The following ARHGAP26 variants were observed in gnomAD, a reference collection of about 807,000 sequenced individuals.
The protein encoded by ARHGAP26 is rho GTPase-activating protein 26.
A neutral mutation model predicts 104.8 loss-of-function variants in ARHGAP26; 38 were observed. That is an observed-to-expected ratio of 0.36 (90% CI 0.28 to 0.48). The LOEUF is 0.48. ARHGAP26 is among the 20% of genes least tolerant of loss of function. ARHGAP26 has a pLI of 0.99. For missense variants in ARHGAP26, 704 were observed against 947.9 expected (o/e 0.74, Z 3.38); for synonymous variants, 341 against 340.0 (o/e 1.00, Z -0.03).
chr5:143,077,913 C>A (rs374442123), intron 17 of ARHGAP26, among the ~76,000 whole-genome samples: 94 of 152,274 alleles, frequency 6.2e-4, no homozygotes, highest in African/African-American at 2.1e-3. Flanking sequence ...TCCCCTCCCC[C>A]AACCCTGGTT....
intron 1 of ARHGAP26, among the ~76,000 whole-genome samples, chr5:142,821,781 G>A (rs1464163689): frequency 1.3e-5 from 2 of 152,182 alleles, no homozygotes; most frequent in African/African-American, 4.8e-5. Context: ...ATTAAGAAAA[G>A]CCATCTTTCC....
At chr5:143,191,061 G>A (rs1414140232) in intron 20 of ARHGAP26, among the ~76,000 whole-genome samples, 1 of 152,214 alleles carries the variant, frequency 6.6e-6, no homozygotes, top group Non-Finnish European at 1.5e-5. Context: ...CAAATGGCAG[G>A]AAGGACCTTT....
At chr5:142,783,639 C>T (rs1757962385) in intron 1 of ARHGAP26, among the ~76,000 whole-genome samples, 1 of 152,184 alleles carries the variant, frequency 6.6e-6, no homozygotes, top group Admixed American at 6.5e-5. Flanking sequence ...CCCCTTCTAC[C>T]TGGAGGTGCC....
At chr5:143,172,354 A>G (rs565507800) in intron 20 of ARHGAP26, among the ~76,000 whole-genome samples, 2 of 152,306 alleles carry the variant, frequency 1.3e-5, no homozygotes, top group Admixed American at 6.5e-5. Context: ...AATAAGATTA[A>G]CAAAGGCTGA....
At position 142,907,797 on chromosome 5, in the gene ARHGAP26, G is replaced by A; in HGVS notation, c.926G>A (p.Gly309Glu). 1 of 1,605,968 alleles carries A rather than the reference G, an allele frequency of 6.2e-7. No individual in the cohort carries two copies. Among genetic ancestry groups the A allele is most frequent in the Non-Finnish European group, 8.5e-7 (1 of 1,174,324 alleles). The change falls in exon 9 of 23, where the codon GGA (glycine) becomes GAA (glutamate). Residue 309 changes from glycine (G) to glutamate (E), a missense_variant. Coordinates refer to ENST00000645722, the MANE Select transcript of ARHGAP26 (RefSeq NM_001135608.3). Reference sequence around the variant, plus strand: ...GTACCATTTGACCAAAAGTCAGGAGGAAAAGGGGTGAGTTCATTTTTAAAA... The same window carrying A: ...GTACCATTTGACCAAAAGTCAGGAGAAAAAGGGGTGAGTTCATTTTTAAAA... ...TMVPFDQKSG[G>E]KGGEDESVIL...
At chr5:142,833,215 G>A (rs1414511024) in intron 1 of ARHGAP26, among the ~76,000 whole-genome samples, 2 of 149,472 alleles carry the variant, frequency 1.3e-5, no homozygotes, top group Non-Finnish European at 1.5e-5. Flanking sequence ...CACCACACCC[G>A]GCTAATTTTT....
At chr5:143,034,150 G>C (rs1344209381) in intron 12 of ARHGAP26, among the ~76,000 whole-genome samples, 1 of 152,194 alleles carries the variant, frequency 6.6e-6, no homozygotes, top group African/African-American at 2.4e-5. Context: ...TTGCGGGTAG[G>C]AATGAAAACT....
At chr5:143,005,202 A>G (rs1777769111) in intron 11 of ARHGAP26, among the ~76,000 whole-genome samples, 1 of 152,250 alleles carries the variant, frequency 6.6e-6, no homozygotes, top group African/African-American at 2.4e-5. Context: ...ATATGTTAAG[A>G]TAAAAGGGCT....
At chr5:143,216,897 A>G (rs975300006) in intron 22 of ARHGAP26, 1 of 152,484 alleles carries the variant, frequency 6.6e-6, no homozygotes, top group African/African-American at 2.4e-5. Flanking sequence ...TCCAGAGGAA[A>G]ATGCTTACAC....
At chr5:143,046,423 G>A (rs1176175853) in intron 14 of ARHGAP26, among the ~76,000 whole-genome samples, 1 of 152,242 alleles carries the variant, frequency 6.6e-6, no homozygotes, top group Non-Finnish European at 1.5e-5. Flanking sequence ...ATGAGAGCCA[G>A]TGCTTTGAGA....
intron 20 of ARHGAP26, chr5:143,166,188 T>C: frequency 3.3e-6 from 3 of 922,642 alleles, no homozygotes; most frequent in Non-Finnish European, 4.2e-6. Flanking sequence ...AACAACCCCA[T>C]GTACGTAGCT....
chr5:142,935,169 G>C (rs1428161179), intron 11 of ARHGAP26, among the ~76,000 whole-genome samples: 3 of 152,160 alleles, frequency 2.0e-5, no homozygotes, highest in Non-Finnish European at 2.9e-5. Context: ...AAATACTGGA[G>C]TCTAATAGTC....
At chr5:142,818,197 A>G (rs1195094118) in intron 1 of ARHGAP26, among the ~76,000 whole-genome samples, 1 of 151,578 alleles carries the variant, frequency 6.6e-6, no homozygotes, top group Non-Finnish European at 1.5e-5. Flanking sequence ...ACAAAGGAGA[A>G]TGCCATGTAC....
intron 16 of ARHGAP26, among the ~76,000 whole-genome samples, 196 bp downstream of exon 16, chr5:143,056,282 T>G (rs1242488633): frequency 2.7e-5 from 4 of 150,916 alleles, no homozygotes; most frequent in Non-Finnish European, 5.9e-5. Context: ...TCTACCACAT[T>G]GAATTTACAG....
intron 1 of ARHGAP26, among the ~76,000 whole-genome samples, chr5:142,857,113 T>G (rs1436682780): frequency 1.3e-5 from 2 of 151,970 alleles, no homozygotes; most frequent in Non-Finnish European, 2.9e-5. Context: ...CTTCCCTGGG[T>G]GTGTGTGTGT....
rs1175642851 is a variant in ARHGAP26 at position 142,770,419 on chromosome 5, G to C, written c.-343G>C. ...CCGAGGCTGCTGTGAGAGGGCGCTC[G>C]AGGCTGCCGAGAGCTAGCTAGCGAA... On this transcript the variant is annotated 5_prime_UTR_variant, in exon 1 of 23. Coordinates refer to ENST00000645722, the MANE Select transcript of ARHGAP26 (RefSeq NM_001135608.3). 5.2e-6 allele frequency: 1 copy of C among 192,754 alleles called. No homozygotes were observed. The highest frequency in any genetic ancestry group is 1.1e-5 in the Non-Finnish European group (1 of 92,110). The allele number at this position is 192,754 out of a possible 1,614,324, so 11.9% of individuals were successfully genotyped here.
intron 17 of ARHGAP26, among the ~76,000 whole-genome samples, chr5:143,077,213 T>G (rs1789165332): frequency 6.6e-6 from 1 of 152,190 alleles, no homozygotes; most frequent in Non-Finnish European, 1.5e-5. Context: ...CCATTTACCA[T>G]GAACTGTAAA....
At chr5:143,074,262 T>C (rs1292493400) in intron 17 of ARHGAP26, among the ~76,000 whole-genome samples, 1 of 152,212 alleles carries the variant, frequency 6.6e-6, no homozygotes, top group Non-Finnish European at 1.5e-5. Flanking sequence ...ATTTTGTGTG[T>C]GTGTTTCTGC....
At chr5:143,015,628 G>C (rs1263231371) in intron 12 of ARHGAP26, among the ~76,000 whole-genome samples, 1 of 152,168 alleles carries the variant, frequency 6.6e-6, no homozygotes, top group Non-Finnish European at 1.5e-5. Flanking sequence ...CAGGACCAGA[G>C]GGGATGGATG....
Sources: allele counts gnomAD v4.1 joint callset (sites outside exome capture counted in the v4.1 genomes callset), GRCh38; gene constraint gnomAD v4.1.1; transcripts MANE v1.5; gene names NCBI Gene and HGNC (gene_info 2026-07-23, HGNC 2026-07-21).